Variants in ANXA10 observed in about 807,000 individuals in gnomAD.
The protein encoded by ANXA10 is annexin 14.
Under a neutral mutation model 53.5 loss-of-function variants are expected in ANXA10, and 49 were observed. That is an observed-to-expected ratio of 0.92 (90% CI 0.73 to 1.16). ANXA10 has a LOEUF of 1.16. Ranked by LOEUF, ANXA10 falls within the 50% of genes most tolerant of loss-of-function variation. The pLI is 0.00. For synonymous variants in ANXA10, 131 were observed against 128.9 expected (o/e 1.02, Z -0.11); for missense variants, 393 against 394.4 (o/e 1.00, Z 0.03).
intron 6 of ANXA10, among the ~76,000 whole-genome samples, chr4:168,168,838 A>G (rs990579879): frequency 2.6e-5 from 4 of 152,224 alleles, no homozygotes; most frequent in African/African-American, 9.6e-5. Context: ...GATGATGACT[A>G]TATTAGGCCC....
intron 8 of ANXA10, 126 bp downstream of exon 8, chr4:168,178,109 T>G (rs1732168697): frequency 1.3e-6 from 1 of 791,304 alleles, no homozygotes; most frequent in Non-Finnish European, 2.0e-6. Context: ...TCAAAGGTAC[T>G]TATTTTGAAT....
intron 8 of ANXA10, chr4:168,178,305 G>C (rs920980651): frequency 4.0e-5 from 12 of 299,376 alleles, no homozygotes; most frequent in African/African-American, 2.6e-4. Context: ...AAAATGCATA[G>C]TAAATATAGT....
At chr4:168,096,068 T>C (rs1442414300) in intron 1 of ANXA10, among the ~76,000 whole-genome samples, 1 of 152,254 alleles carries the variant, frequency 6.6e-6, no homozygotes, top group East Asian at 1.9e-4. Context: ...GTGGATTACA[T>C]GTAGTGAAGG....
intron 3 of ANXA10, among the ~76,000 whole-genome samples, chr4:168,157,805 T>C (rs1306123318): frequency 6.6e-6 from 1 of 152,216 alleles, no homozygotes; most frequent in Non-Finnish European, 1.5e-5. Context: ...TATTCTTTTA[T>C]TGCTATTTTT....
chr4:168,176,016 T>C (rs942205579), intron 6 of ANXA10, among the ~76,000 whole-genome samples: 2 of 152,144 alleles, frequency 1.3e-5, no homozygotes, highest in Admixed American at 6.5e-5. Context: ...TCATCATACT[T>C]TTATTGGGTT....
At chr4:168,139,737 A>C (rs1731297493) in intron 3 of ANXA10, among the ~76,000 whole-genome samples, 157 bp downstream of exon 3, 1 of 152,116 alleles carries the variant, frequency 6.6e-6, no homozygotes, top group Non-Finnish European at 1.5e-5. Flanking sequence ...TACATGTTTC[A>C]AGGAATAAAA....
rs1203701229 is a variant in ANXA10 at position 168,177,896 on chromosome 4, T to C, written c.541T>C (p.Trp181Arg). The C allele has an allele frequency of 1.2e-6, 2 of 1,614,040 alleles. No homozygotes were observed. Among genetic ancestry groups the C allele is most frequent in the East Asian group, 2.2e-5 (1 of 44,902 alleles). ...AMAAQDAMVL[W>R]EACQQKTGEH... ...CTGCTGGCTAATGTTCCAGGTCCTA[T>C]GGGAAGCCTGTCAGCAGAAGACGGG... is the stretch of plus-strand genomic sequence containing the variant. The change falls in exon 8 of 12, where the codon TGG (tryptophan) becomes CGG (arginine). Residue 181 changes from tryptophan to arginine, a missense_variant. By Grantham distance (101) the Trp-to-Arg change is moderately radical (BLOSUM62 -3). Coordinates refer to ENST00000359299, the MANE Select transcript of ANXA10 (RefSeq NM_007193.5).
chr4:168,183,573 T>C (rs1284589399), intron 10 of ANXA10, among the ~76,000 whole-genome samples: 1 of 152,226 alleles, frequency 6.6e-6, no homozygotes, highest in Non-Finnish European at 1.5e-5. Context: ...GTATTTTTGC[T>C]GTGTATGTGT....
At chr4:168,156,394 TATTA>T (rs1425616682) in intron 3 of ANXA10, among the ~76,000 whole-genome samples, 1 of 26,532 alleles carries the variant, frequency 3.8e-5, no homozygotes, top group East Asian at 1.6e-3. Flanking sequence ...ATATATATTA[TATTA>T]TATATTATAT....
At chr4:168,153,422 C>CAAAAAAAAAAAA (rs61179704) in intron 3 of ANXA10, among the ~76,000 whole-genome samples, 75 of 43,358 alleles carry the variant, frequency 1.7e-3, no homozygotes, top group Non-Finnish European at 2.1e-3. Context: ...AAGCCTAAAG[C>CAAAAAAAAAAAA]AAAAAAAAAA....
intron 3 of ANXA10, among the ~76,000 whole-genome samples, chr4:168,155,815 T>TATATTATATAGG (rs1731628588): frequency 8.3e-5 from 1 of 12,040 alleles, no homozygotes; most frequent in Admixed American, 1.7e-3. Context: ...TATGATATAT[T>TATATTATATAGG]ATATATGATA....
chr4:168,175,899 G>A (rs1473234923), intron 6 of ANXA10, among the ~76,000 whole-genome samples: 2 of 152,098 alleles, frequency 1.3e-5, no homozygotes, highest in African/African-American at 4.8e-5. Context: ...TTTCTCATAT[G>A]CCTCTAGCTT....
intron 3 of ANXA10, among the ~76,000 whole-genome samples, chr4:168,156,399 T>C (rs1193332509): frequency 3.6e-4 from 41 of 114,604 alleles, no homozygotes; most frequent in African/African-American, 1.3e-3. Flanking sequence ...TATTATATTA[T>C]ATATTATATA....
intron 1 of ANXA10, among the ~76,000 whole-genome samples, chr4:168,124,569 C>A (rs972443816): frequency 2.0e-5 from 3 of 152,106 alleles, no homozygotes; most frequent in Non-Finnish European, 4.4e-5. Flanking sequence ...ATTGAAGAAC[C>A]AAAGTCTGAC....
chr4:168,181,612 T>C, intron 9 of ANXA10, 71 bp from the exon 10 acceptor site: 4 of 1,221,470 alleles, frequency 3.3e-6, no homozygotes, highest in Non-Finnish European at 3.6e-6. Context: ...AGTGTTATTG[T>C]TTCTCAAATT....
At chr4:168,132,034 G>A (rs536858224) in intron 2 of ANXA10, among the ~76,000 whole-genome samples, 207 of 152,156 alleles carry the variant, frequency 1.4e-3, no homozygotes, top group African/African-American at 4.8e-3. Context: ...GGGAATGTAC[G>A]TTAGTACCAC....
At chr4:168,131,903 A>C (rs1199397241) in intron 2 of ANXA10, among the ~76,000 whole-genome samples, 2 of 152,034 alleles carry the variant, frequency 1.3e-5, no homozygotes, top group Admixed American at 6.6e-5. Context: ...CTTGTAGACC[A>C]CTTAGTGCTA....
chr4:168,153,028 G>A (rs1731524313), intron 3 of ANXA10, among the ~76,000 whole-genome samples: 1 of 151,862 alleles, frequency 6.6e-6, no homozygotes, highest in South Asian at 2.1e-4. Context: ...ATTTTTTGTG[G>A]AGACGGGGCT....
At chr4:168,168,514 G>T (rs543168813) in intron 6 of ANXA10, among the ~76,000 whole-genome samples, 13 of 152,142 alleles carry the variant, frequency 8.5e-5, no homozygotes, top group African/African-American at 3.1e-4. Context: ...CTGCCTCCCT[G>T]GTTCAAGTGA....
Sources: allele counts gnomAD v4.1 joint callset (sites outside exome capture counted in the v4.1 genomes callset), GRCh38; gene constraint gnomAD v4.1.1; transcripts MANE v1.5; gene names NCBI Gene and HGNC (gene_info 2026-07-23, HGNC 2026-07-21).